Variants in EP300 observed in about 807,000 individuals in gnomAD.
EP300 encodes the protein EP300 lysine acetyltransferase, also known as histone acetyltransferase p300.
Under a neutral mutation model 264.0 loss-of-function variants are expected in EP300, and 31 were observed. The observed-to-expected ratio is 0.12, with a 90% CI of 0.09 to 0.16. The LOEUF is 0.16. Among genes scored for constraint, EP300 ranks in the 10% least tolerant of loss-of-function variants. The pLI is 1.00. For synonymous variants in EP300, 1,340 were observed against 1,045.4 expected (o/e 1.28, Z -5.44); for missense variants, 2,766 against 3,052.9 (o/e 0.91, Z 2.21).
At position 41,177,936 on chromosome 22, in the gene EP300, C is replaced by G; in HGVS notation, c.6225C>G (p.His2075Gln). The G allele has an allele frequency of 6.2e-7, 1 of 1,614,158 alleles. No individual in the cohort carries two copies. The highest frequency in any genetic ancestry group is 1.1e-5 in the South Asian group (1 of 91,084). The change falls in exon 31 of 31, where the codon CAC (histidine) becomes CAG (glutamine). Residue 2075 changes from histidine (H) to glutamine (Q), a missense_variant. Transcript: ENST00000263253. ...AGCAACAGGTGCTTAGTATCCTTCA[C>G]GCCAACCCCCAGCTGTTGGCTGCAT... ...LQQQQVLSIL[H>Q]ANPQLLAAFI...
intron 1 of EP300, 113 bp downstream of exon 1, chr22:41,093,211 T>C: frequency 9.1e-7 from 1 of 1,098,678 alleles, no homozygotes; most frequent in Non-Finnish European, 1.3e-6. Flanking sequence ...TGCCCCTTAA[T>C]TAATTTTAAA....
intron 2 of EP300, among the ~76,000 whole-genome samples, chr22:41,123,890 T>C (rs1004026424): frequency 3.9e-5 from 6 of 152,248 alleles, no homozygotes; most frequent in Non-Finnish European, 2.9e-5. Context: ...TTTCAATTAA[T>C]TATTATTATA....
Position 41,166,741 on chromosome 22 carries a change from T to TA in EP300, c.3874+76dup, listed in dbSNP as rs151279924. ...AGATAAGAAACCATCCAAAGTGAAT[T>TA]ACTTTGTTTTTAATCACAGTAATAG... On this transcript the variant is annotated intron_variant, in intron 23 of 30. Coordinates refer to ENST00000263253, the MANE Select transcript of EP300 (RefSeq NM_001429.4). The TA allele has an allele frequency of 1.9e-4, 191 of 987,578 alleles. No individual in the cohort carries two copies. In the African/African-American group the frequency reaches 2.9e-3, roughly 15 times the overall value. 61.2% of individuals were successfully genotyped at this position (987,578 alleles called of 1,614,324 possible). A position where few individuals can be genotyped will look rare whatever the true frequency, so the allele number is the denominator to read the frequency against.
chr22:41,135,489 C>T (rs1175078419), intron 6 of EP300, among the ~76,000 whole-genome samples: 1 of 151,612 alleles, frequency 6.6e-6, no homozygotes, highest in African/African-American at 2.4e-5. Flanking sequence ...TACTCAAGTT[C>T]CCTTTGTTTT....
Position 41,092,648 on chromosome 22 carries a change from G to T in EP300, c.-357G>T. 1.6e-6 allele frequency: 1 copy of T among 628,728 alleles called. No homozygotes were observed. The highest frequency in any genetic ancestry group is 2.9e-6 in the Non-Finnish European group (1 of 347,528). The allele number at this position is 628,728 out of a possible 1,614,324, so 38.9% of individuals were successfully genotyped here. A position where few individuals can be genotyped will look rare whatever the true frequency, so the allele number is the denominator to read the frequency against. On this transcript the variant is annotated 5_prime_UTR_variant, in exon 1 of 31. Transcript: ENST00000263253. ...AGGTTGATGGCGGCGGCGGAGCTCC[G>T]AGAGACCTCGGCTGGGCAGGGGCCG...
chr22:41,166,324 A>G (rs2059133960), intron 22 of EP300, among the ~76,000 whole-genome samples: 1 of 152,224 alleles, frequency 6.6e-6, no homozygotes, highest in Admixed American at 6.5e-5. Flanking sequence ...CTATCACATT[A>G]GCAAAACCTA....
At chr22:41,117,056 G>T (rs1007975348) in intron 1 of EP300, 131 bp from the exon 2 acceptor site, 1 of 849,952 alleles carries the variant, frequency 1.2e-6, no homozygotes, top group Non-Finnish European at 1.9e-6. Flanking sequence ...GTAAGACCCT[G>T]TCTCAAATAA....
chr22:41,100,421 T>C (rs573187468), intron 1 of EP300, among the ~76,000 whole-genome samples: 3 of 152,330 alleles, frequency 2.0e-5, no homozygotes, highest in Non-Finnish European at 2.9e-5. Context: ...TTATGTCATC[T>C]ATCCAAATGT....
rs765163038 is a variant in EP300 at position 41,172,612 on chromosome 22, G to A, written c.4566G>A (p.Gln1522=). ...AAGAAAGCATTAAGGAACTGGAACA[G>A]GAGGAAGAAGAGAGAAAACGAGAGG... ...VLEESIKELE[Q]EEEERKREEN... The change falls in exon 28 of 31, where the codon CAG becomes CAA. Residue 1522 remains glutamine (Q), a synonymous_variant. Coordinates refer to ENST00000263253, the MANE Select transcript of EP300 (RefSeq NM_001429.4). 114 of 1,613,930 alleles carry A rather than the reference G, an allele frequency of 7.1e-5. No homozygotes were observed. The highest frequency in any genetic ancestry group is 9.2e-5 in the Non-Finnish European group (109 of 1,179,942).
chr22:41,128,659 C>T (rs944310639), intron 4 of EP300, among the ~76,000 whole-genome samples: 41 of 152,074 alleles, frequency 2.7e-4, no homozygotes, highest in African/African-American at 8.9e-4. Context: ...AGGCAGGCGC[C>T]TACCACCATG....
chr22:41,178,509 G>A lies in EP300; in HGVS notation c.6798G>A (p.Gln2266=), dbSNP rs2059217236. Residue 2266 remains glutamine (Q), a synonymous_variant, in exon 31 of 31, where the codon CAG becomes CAA. Coordinates refer to ENST00000263253, the MANE Select transcript of EP300 (RefSeq NM_001429.4). ...AGGCCTATCAGCAGCGACTCCTTCAGCAACAGATGGGGTCCCCTGTTCAGC... is the reference window on the plus strand; with the variant it reads ...AGGCCTATCAGCAGCGACTCCTTCAACAACAGATGGGGTCCCCTGTTCAGC... ...SLQAYQQRLL[Q]QQMGSPVQPN... is the part of the protein sequence containing the mutation. The A allele has an allele frequency of 1.2e-6, 2 of 1,601,864 alleles. No individual in the cohort carries two copies. Among genetic ancestry groups the A allele is most frequent in the African/African-American group, 1.3e-5 (1 of 74,868 alleles).
At chr22:41,104,377 C>T (rs992972943) in intron 1 of EP300, among the ~76,000 whole-genome samples, 2 of 151,892 alleles carry the variant, frequency 1.3e-5, no homozygotes, top group African/African-American at 4.8e-5. Context: ...GCAACCTCTG[C>T]CTCCCCGGTT....
chr22:41,140,544 T>G (rs1456292185), intron 9 of EP300, among the ~76,000 whole-genome samples: 3 of 152,088 alleles, frequency 2.0e-5, no homozygotes, highest in Non-Finnish European at 4.4e-5. Flanking sequence ...AGTGGCTCGG[T>G]GCCTGTAATC....
intron 3 of EP300, 78 bp downstream of exon 3, chr22:41,126,118 G>T: frequency 6.8e-7 from 1 of 1,464,904 alleles, no homozygotes. Context: ...TCACCCTTCT[G>T]TTATATATGC....
chr22:41,108,774 T>C (rs1380873223), intron 1 of EP300, among the ~76,000 whole-genome samples: 2 of 152,348 alleles, frequency 1.3e-5, no homozygotes, highest in South Asian at 4.1e-4. Context: ...GTGATGTTGA[T>C]TGGTTGATAC....
At chr22:41,161,849 TAGC>T (rs1601627724) in intron 20 of EP300, among the ~76,000 whole-genome samples, 2 of 152,196 alleles carry the variant, frequency 1.3e-5, no homozygotes, top group Admixed American at 1.3e-4. Context: ...GTTCTAAAGA[TAGC>T]AGTGTCTGGG....
rs761088915 is a variant in EP300 at position 41,177,572 on chromosome 22, A to G, written c.5861A>G (p.His1954Arg). 5.0e-6 allele frequency: 8 copies of G among 1,614,078 alleles called. No individual in the cohort carries two copies. Among genetic ancestry groups the G allele is most frequent in the Non-Finnish European group, 6.8e-6 (8 of 1,180,002 alleles). Reference sequence around the variant, plus strand: ...CAAATTTTTCAAAGGCCAATCCAACACCAGATGCCCCCGATGACTCCCATG... The same window carrying G: ...CAAATTTTTCAAAGGCCAATCCAACGCCAGATGCCCCCGATGACTCCCATG... ...HVQIFQRPIQ[H>R]QMPPMTPMAP... The change falls in exon 31 of 31, where the codon CAC becomes CGC. Residue 1954 changes from histidine to arginine, a missense_variant. Coordinates refer to ENST00000263253, the MANE Select transcript of EP300 (RefSeq NM_001429.4).
At chr22:41,109,265 A>AC (rs919819438) in intron 1 of EP300, among the ~76,000 whole-genome samples, 1 of 151,214 alleles carries the variant, frequency 6.6e-6, no homozygotes, top group East Asian at 1.9e-4. Context: ...AAAAAAAAAA[A>AC]AAACAAAAAA....
At position 41,150,198 on chromosome 22, in the gene EP300, A is replaced by G. The variant is rs2059036156; in HGVS notation, c.2817A>G (p.Pro939=). 1.2e-6 allele frequency: 2 copies of G among 1,603,366 alleles called. No homozygotes were observed. Among genetic ancestry groups the G allele is most frequent in the Admixed American group, 1.7e-5 (1 of 58,982 alleles). Residue 939 remains proline (P), a splice_region_variant and synonymous_variant, in exon 14 of 31, where the codon CCA becomes CCG. Coordinates refer to ENST00000263253, the MANE Select transcript of EP300 (RefSeq NM_001429.4). ...TGCTTCCTCCGCAGCCTGCAACTCC[A>G]GTAAGTAGAGATTTGGATTTAGGCA... ...APLLPPQPAT[P]LSQPAVSIEG... is the part of the protein sequence containing the mutation.
Sources: allele counts gnomAD v4.1 joint callset (sites outside exome capture counted in the v4.1 genomes callset), GRCh38; gene constraint gnomAD v4.1.1; transcripts MANE v1.5; gene names NCBI Gene and HGNC (gene_info 2026-07-23, HGNC 2026-07-21).